Variants in USH2A observed in about 807,000 individuals in gnomAD.
The protein encoded by USH2A is Usher syndrome 2A (autosomal recessive, mild).
A neutral mutation model predicts 538.9 loss-of-function variants in USH2A; 443 were observed. The ratio of observed to expected loss-of-function variants is 0.82; its 90% CI spans 0.76 to 0.89. USH2A has a LOEUF of 0.89. USH2A is among the 40% of genes least tolerant of loss of function. USH2A has a pLI of 0.00. For missense variants in USH2A, 6,633 were observed against 6,324.8 expected (o/e 1.05, Z -1.65); for synonymous variants, 2,413 against 2,273.5 (o/e 1.06, Z -1.75).
At chr1:215,941,015 T>A (rs1013554494) in intron 37 of USH2A, among the ~76,000 whole-genome samples, 2 of 152,112 alleles carry the variant, frequency 1.3e-5, no homozygotes, top group African/African-American at 2.4e-5. Context: ...GTTCTAAATA[T>A]CGCAAATTAT....
chr1:216,091,430 T>G (rs2102567591), intron 22 of USH2A, among the ~76,000 whole-genome samples: 1 of 152,330 alleles, frequency 6.6e-6, no homozygotes, highest in South Asian at 2.1e-4. Context: ...ATGGGAAAAT[T>G]ATAGAAAATT....
At chr1:215,688,800 C>T (rs1414482834) in intron 61 of USH2A, among the ~76,000 whole-genome samples, 2 of 152,014 alleles carry the variant, frequency 1.3e-5, no homozygotes, top group African/African-American at 4.8e-5. Context: ...GCCCTATCTC[C>T]AAATACAGTC....
chr1:216,342,334 A>G (rs1167070914), intron 4 of USH2A, among the ~76,000 whole-genome samples: 2 of 152,118 alleles, frequency 1.3e-5, no homozygotes, highest in African/African-American at 2.4e-5. Context: ...AAAAGTCAAG[A>G]AACAACACGC....
At position 215,965,771 on chromosome 1, in the gene USH2A, C is replaced by T. The variant is rs9661640; in HGVS notation, c.6958-292G>A. ...GCCTATGGCTGTACATATCCATAGA[C>T]CAATTCTAGGACTGCTTTAAAATAA... On this transcript the variant is annotated intron_variant, in intron 36 of 71. Transcript: ENST00000307340. Among the ~76,000 whole-genome samples, 1,344 of 151,958 alleles carry T rather than the reference C, an allele frequency of 8.8e-3. 20 individuals are homozygous for T. Among genetic ancestry groups the T allele is most frequent in the African/African-American group, 0.03 (1,235 of 41,348 alleles).
intron 50 of USH2A, among the ~76,000 whole-genome samples, chr1:215,797,382 A>C (rs1662174297): frequency 6.6e-6 from 1 of 152,256 alleles, no homozygotes; most frequent in South Asian, 2.1e-4. Context: ...ACTAAACAAC[A>C]GATCTTCATT....
chr1:215,656,742 G>A (rs1304599394), intron 64 of USH2A, among the ~76,000 whole-genome samples: 1 of 152,138 alleles, frequency 6.6e-6, no homozygotes, highest in African/African-American at 2.4e-5. Context: ...ATACTTCCTT[G>A]TGGGATAATG....
intron 32 of USH2A, among the ~76,000 whole-genome samples, chr1:216,025,337 A>G (rs2102505528): frequency 6.6e-6 from 1 of 150,678 alleles, no homozygotes; most frequent in East Asian, 1.9e-4. Context: ...TAGCCTTAGC[A>G]TCACTGAAAT....
At chr1:215,861,854 T>TTTG (rs1553270466) in intron 44 of USH2A, among the ~76,000 whole-genome samples, 9 of 145,946 alleles carry the variant, frequency 6.2e-5, no homozygotes, top group Non-Finnish European at 1.1e-4. Context: ...TTTTTTTTTT[T>TTTG]TTTTGAGACA....
At chr1:216,276,003 A>AT (rs574445423) in intron 11 of USH2A, among the ~76,000 whole-genome samples, 111 of 152,176 alleles carry the variant, frequency 7.3e-4, no homozygotes, top group Middle Eastern at 3.4e-3. Context: ...CTAGGAACAC[A>AT]TTTTTGGTAG....
At chr1:216,354,348 T>C (rs2038341576) in intron 4 of USH2A, among the ~76,000 whole-genome samples, 1 of 152,062 alleles carries the variant, frequency 6.6e-6, no homozygotes, top group Non-Finnish European at 1.5e-5. Flanking sequence ...TTAAGACACA[T>C]GAGAAATCAA....
In USH2A at chr1:215,790,297, T is replaced by C. The variant is rs1273415103; in HGVS notation, c.9959-15A>G. 1.2e-6 allele frequency: 2 copies of C among 1,612,514 alleles called. No homozygotes were observed. The highest frequency in any genetic ancestry group is 3.3e-5 in the Admixed American group (2 of 59,962). On this transcript the variant is annotated splice_polypyrimidine_tract_variant and intron_variant, in intron 50 of 71. Coordinates refer to ENST00000307340, the MANE Select transcript of USH2A (RefSeq NM_206933.4). Reference sequence around the variant, plus strand: ...ACAGAACATACCTGCAACAATAAAATGTTATATATGAATATGAAATAGAAA... The same window carrying C: ...ACAGAACATACCTGCAACAATAAAACGTTATATATGAATATGAAATAGAAA...
intron 14 of USH2A, among the ~76,000 whole-genome samples, chr1:216,227,704 A>G (rs1231977401): frequency 6.6e-6 from 1 of 152,216 alleles, no homozygotes; most frequent in Admixed American, 6.5e-5. Flanking sequence ...ATCTGGAGAT[A>G]CATATATCTG....
intron 40 of USH2A, among the ~76,000 whole-genome samples, chr1:215,897,119 C>T (rs182232350): frequency 6.6e-6 from 1 of 152,284 alleles, no homozygotes; most frequent in Admixed American, 6.5e-5. Flanking sequence ...ATGATAACTT[C>T]TCTGCACCCA....
At chr1:215,817,826 C>A (rs556668449) in intron 47 of USH2A, among the ~76,000 whole-genome samples, 2 of 151,930 alleles carry the variant, frequency 1.3e-5, no homozygotes, top group Non-Finnish European at 2.9e-5. Flanking sequence ...CTATCCACAG[C>A]GGACTCTTGA....
chr1:215,662,264 A>C (rs923176568), intron 64 of USH2A, among the ~76,000 whole-genome samples: 1 of 152,216 alleles, frequency 6.6e-6, no homozygotes, highest in African/African-American at 2.4e-5. Flanking sequence ...TATTATCTAC[A>C]TTCAGTTGAA....
Position 215,862,155 on chromosome 1 carries a change from A to G in USH2A, c.8845+4852T>C, listed in dbSNP as rs576692171. Among the ~76,000 whole-genome samples the G allele has an allele frequency of 2.6e-5, 4 of 152,198 alleles. No homozygotes were observed. In the South Asian group the frequency reaches 8.3e-4, roughly 32 times the overall value. ...ACCCAGACTAAGTTTTCAACATTTT[A>G]ACTAGATTTTTAAATTTCTATCTTT... On this transcript the variant is annotated intron_variant, in intron 44 of 71. Coordinates refer to ENST00000307340, the MANE Select transcript of USH2A (RefSeq NM_206933.4).
chr1:215,857,518 G>A (rs1239055622), intron 44 of USH2A, among the ~76,000 whole-genome samples: 1 of 152,102 alleles, frequency 6.6e-6, no homozygotes, highest in Non-Finnish European at 1.5e-5. Context: ...TGCTGAGTGG[G>A]GTGACTGAAT....
At chr1:215,703,805 T>C (rs1040800129) in intron 61 of USH2A, among the ~76,000 whole-genome samples, 3 of 152,100 alleles carry the variant, frequency 2.0e-5, no homozygotes, top group African/African-American at 7.2e-5. Flanking sequence ...TTCAGCCCCC[T>C]TTTCAGGGGA....
intron 9 of USH2A, among the ~76,000 whole-genome samples, chr1:216,292,737 AACCT>A (rs1247213090): frequency 6.6e-6 from 1 of 152,178 alleles, no homozygotes; most frequent in Non-Finnish European, 1.5e-5. Context: ...TCAAGTGTTT[AACCT>A]TTGTGTTACA....
Sources: gnomAD v4.1 joint callset for allele counts (sites outside exome capture counted in the v4.1 genomes callset) on GRCh38, gnomAD v4.1.1 for gene constraint, MANE v1.5 for transcripts, NCBI Gene and HGNC (gene_info 2026-07-23, HGNC 2026-07-21) for gene names.